The following PCDHGB4 variants were observed in gnomAD, a reference collection of about 807,000 sequenced individuals.
PCDHGB4 encodes the protein protocadherin gamma subfamily B, 4, also known as protocadherin gamma-B4.
In PCDHGB4, 38 loss-of-function variants were observed where a neutral mutation model predicts 60.5. That is an observed-to-expected ratio of 0.63 (90% CI 0.48 to 0.82). PCDHGB4 has a LOEUF of 0.82. PCDHGB4 is among the 40% of genes least tolerant of loss of function. The pLI is 0.00. For missense variants in PCDHGB4, 1,109 were observed against 1,209.6 expected, an observed-to-expected ratio of 0.92 and a Z score of 1.23; for synonymous variants, 456 against 509.7, an observed-to-expected ratio of 0.89 and a Z score of 1.42.
At chr5:141,442,309 G>C (rs1483682583) in intron 1 of PCDHGB4, 1 of 152,418 alleles carries the variant, frequency 6.6e-6, no homozygotes, top group Non-Finnish European at 1.5e-5. Flanking sequence ...TCTTTCCCAC[G>C]GATGTCTATC....
At chr5:141,447,371 C>G (rs1180989888) in intron 1 of PCDHGB4, among the ~76,000 whole-genome samples, 1 of 151,826 alleles carries the variant, frequency 6.6e-6, no homozygotes, top group African/African-American at 2.4e-5. Context: ...ACTCCTGACC[C>G]TGGTGATCTG....
At chr5:141,403,525 C>T (rs1427557410) in intron 1 of PCDHGB4, 1 of 1,614,002 alleles carries the variant, frequency 6.2e-7, no homozygotes, top group South Asian at 1.1e-5. Flanking sequence ...GAGCCATAAA[C>T]CCAGAGCTGG....
intron 1 of PCDHGB4, chr5:141,409,619 C>A: frequency 6.2e-7 from 1 of 1,613,898 alleles, no homozygotes; most frequent in Non-Finnish European, 8.5e-7. Flanking sequence ...CTCCATTGCG[C>A]AAGTGAGCGC....
At chr5:141,433,358 C>CCTAA (rs1554125965) in intron 1 of PCDHGB4, 1 of 503,368 alleles carries the variant, frequency 2.0e-6, no homozygotes, top group Non-Finnish European at 3.5e-6. Flanking sequence ...CTACTGTCTG[C>CCTAA]CTATCTATCT....
rs1207647899 is a variant in PCDHGB4, at chr5:141,491,938, C to T, written c.2398-2869C>T. The T allele has an allele frequency of 1.6e-5, 19 of 1,199,190 alleles. No homozygotes were observed. Among genetic ancestry groups the T allele is most frequent in the Non-Finnish European group, 2.1e-5 (18 of 875,372 alleles). 74.3% of individuals were successfully genotyped at this position (1,199,190 alleles called of 1,614,324 possible). ...TGTGGGCGAGGGGAGGTGGGACCGA[C>T]CCCCACCCCTACACTCAAAAAAGGC... is the stretch of plus-strand genomic sequence containing the variant. On this transcript the variant is annotated intron_variant, in intron 1 of 3. Coordinates refer to ENST00000519479, the MANE Select transcript of PCDHGB4 (RefSeq NM_003736.4). This position sits in a 1 kb window ranked among gnomAD's most constrained non-coding sequence, Gnocchi z 6.9.
At chr5:141,400,654 C>A in intron 1 of PCDHGB4, 1 of 1,142,176 alleles carries the variant, frequency 8.8e-7, no homozygotes, top group Non-Finnish European at 1.3e-6. Context: ...AGCTGTCCTA[C>A]CATTCTTTAA....
At chr5:141,464,343 A>T (rs944042669) in intron 1 of PCDHGB4, among the ~76,000 whole-genome samples, 1 of 151,308 alleles carries the variant, frequency 6.6e-6, no homozygotes, top group South Asian at 2.1e-4. Flanking sequence ...ATGACTTGTC[A>T]TTTAGGTAGT....
chr5:141,481,030 C>A (rs1277171839), intron 1 of PCDHGB4, among the ~76,000 whole-genome samples: 1 of 152,024 alleles, frequency 6.6e-6, no homozygotes, highest in African/African-American at 2.4e-5. Context: ...TGCACTCCAG[C>A]CTGGGCGACA....
At chr5:141,430,575 A>G in intron 1 of PCDHGB4, 2 of 455,822 alleles carry the variant, frequency 4.4e-6, no homozygotes, top group East Asian at 3.5e-5. Flanking sequence ...AAAAGCGGAG[A>G]TCCTGCTCGC....
Position 141,476,525 on chromosome 5 carries a change from A to T in PCDHGB4, c.2398-18282A>T, listed in dbSNP as rs766638463. On this transcript the variant is annotated intron_variant, in intron 1 of 3. Coordinates refer to ENST00000519479, the MANE Select transcript of PCDHGB4 (RefSeq NM_003736.4). This position sits in a 1 kb window ranked among gnomAD's most constrained non-coding sequence, Gnocchi z 7.6. ...CAACGACAACAATCCTGCTTTCCCTACCCAGGAAATGAAATTGGAGATTAG... is the reference window on the plus strand; with the variant it reads ...CAACGACAACAATCCTGCTTTCCCTTCCCAGGAAATGAAATTGGAGATTAG... The T allele has an allele frequency of 6.2e-7, 1 of 1,614,068 alleles. No homozygotes were observed. The highest frequency in any genetic ancestry group is 2.2e-5 in the East Asian group (1 of 44,854).
rs2091965953 is a variant in PCDHGB4 at position 141,389,909 on chromosome 5, C to T, written c.2025C>T (p.Asp675=). ...AGGAGGTGCTGCCGGATATCACTGA[C>T]CGCCCCGACCCCTCTGACCTCCAGG... ...SLQEVLPDIT[D]RPDPSDLQAE... Residue 675 remains aspartate, a synonymous_variant, in exon 1 of 4, where the codon GAC becomes GAT. Transcript: ENST00000519479. 1.9e-6 allele frequency: 3 copies of T among 1,614,068 alleles called. No homozygotes were observed. In the South Asian group the frequency reaches 3.3e-5, roughly 18 times the overall value.
intron 1 of PCDHGB4, chr5:141,392,908 G>T: frequency 1.2e-6 from 2 of 1,613,852 alleles, no homozygotes; most frequent in African/African-American, 1.3e-5. Context: ...GGACAGATTC[G>T]CTACTCTGTG....
At chr5:141,391,495 A>G (rs962883294) in intron 1 of PCDHGB4, 2 of 152,136 alleles carry the variant, frequency 1.3e-5, no homozygotes, top group Non-Finnish European at 2.9e-5. Context: ...TGTTTTCAGT[A>G]GAGAAAATAT....
rs2091112194 is a variant in PCDHGB4 at position 141,387,829 on chromosome 5, G to A, written c.-56G>A. On this transcript the variant is annotated 5_prime_UTR_variant, in exon 1 of 4. Transcript: ENST00000519479. ...AGATCCAAAAATCTGCAATACAGAG[G>A]TTATTTGTAACCCGGCGTCTCCAGG... The A allele has an allele frequency of 6.3e-7, 1 of 1,591,650 alleles. No individual in the cohort carries two copies. Among genetic ancestry groups the A allele is most frequent in the African/African-American group, 1.3e-5 (1 of 74,430 alleles).
rs537850909 is a variant in PCDHGB4 at position 141,441,865 on chromosome 5, G to A, written c.2397+51584G>A. ...CTTGGATATGGTGCTGCACGCCGCG[G>A]AGCCTGGCTACCTGGTCACCAAGGT... On this transcript the variant is annotated intron_variant, in intron 1 of 3. Coordinates refer to ENST00000519479, the MANE Select transcript of PCDHGB4 (RefSeq NM_003736.4). The A allele has an allele frequency of 4.0e-4, 138 of 345,718 alleles. 1 individual carries two copies. The Admixed American group carries it at 4.6e-3, about 12-fold the overall frequency. The allele number at this position is 345,718 out of a possible 1,614,324, so 21.4% of individuals were successfully genotyped here. A position where few individuals can be genotyped will look rare whatever the true frequency, so the allele number is the denominator to read the frequency against.
At position 141,432,395 on chromosome 5, in the gene PCDHGB4, G is replaced by A; in HGVS notation, c.2397+42114G>A. 6.2e-7 allele frequency: 1 copy of A among 1,614,240 alleles called. No individual in the cohort carries two copies. ...CGGGCACCCGCCCCTCAGCAGCAAC[G>A]TGTCGTTGAGCCTGTTCGTGCTGGA... On this transcript the variant is annotated intron_variant, in intron 1 of 3. Coordinates refer to ENST00000519479, the MANE Select transcript of PCDHGB4 (RefSeq NM_003736.4). This position sits in a 1 kb window ranked among gnomAD's most constrained non-coding sequence, Gnocchi z 6.0.
chr5:141,481,733 C>A (rs2099543522), intron 1 of PCDHGB4, among the ~76,000 whole-genome samples: 1 of 152,078 alleles, frequency 6.6e-6, no homozygotes, highest in Admixed American at 6.6e-5. Context: ...GCGGGCGGAT[C>A]ACGAGGTCAG....
Position 141,415,578 on chromosome 5 carries a change from G to A in PCDHGB4, c.2397+25297G>A, listed in dbSNP as rs372519745. On this transcript the variant is annotated intron_variant, in intron 1 of 3. Transcript: ENST00000519479. ...ATCCTTTGTCTTTGTTAGATGATTCGAAGTTTCCTATAGAGGATACCCCAT... is the reference window on the plus strand; with the variant it reads ...ATCCTTTGTCTTTGTTAGATGATTCAAAGTTTCCTATAGAGGATACCCCAT... 678 of 1,613,890 alleles carry A rather than the reference G, an allele frequency of 4.2e-4. 10 individuals are homozygous for A. In the South Asian group the frequency reaches 6.8e-3, roughly 16 times the overall value.
intron 3 of PCDHGB4, 73 bp from the exon 4 acceptor site, chr5:141,510,874 G>A (rs1419164967): frequency 3.7e-6 from 6 of 1,610,008 alleles, no homozygotes; most frequent in Admixed American, 1.7e-5. Context: ...TTCATTAACT[G>A]CTGGGGATAT....
Sources: allele counts gnomAD v4.1 joint callset (sites outside exome capture counted in the v4.1 genomes callset), GRCh38; gene constraint gnomAD v4.1.1; non-coding constraint Gnocchi (gnomAD v3.1); transcripts MANE v1.5; gene names NCBI Gene and HGNC (gene_info 2026-07-23, HGNC 2026-07-21).